Variants in FHIP1A observed in about 807,000 individuals in gnomAD.
The protein encoded by FHIP1A is FHF complex subunit HOOK-interacting protein 1A.
FHIP1A carries 61 observed loss-of-function variants against 88.6 expected under a neutral mutation model. The ratio of observed to expected loss-of-function variants is 0.69; its 90% confidence interval spans 0.56 to 0.85. The LOEUF (loss-of-function observed/expected upper bound fraction) is 0.85, where lower values mean the gene tolerates loss of function less well. Among genes scored for constraint, FHIP1A ranks in the 40% least tolerant of loss-of-function variants. The probability of loss-of-function intolerance (pLI) is 0.00; values close to 1 mark genes in which losing one functional copy is unlikely to be tolerated. For missense variants in FHIP1A, 1,154 were observed against 1,273.5 expected (o/e 0.91, Z 1.43); for synonymous variants, 478 against 496.0 (o/e 0.96, Z 0.48).
chr4:151,480,949 C>G (rs2126633272), intron 2 of FHIP1A, among the ~76,000 whole-genome samples: 2 of 152,062 alleles, frequency 1.3e-5, no homozygotes, highest in Middle Eastern at 6.8e-3. Context: ...GTAGAGACTT[C>G]TAGGGCCATC....
At chr4:151,430,258 T>C (rs1311281223) in intron 1 of FHIP1A, among the ~76,000 whole-genome samples, 1 of 152,224 alleles carries the variant, frequency 6.6e-6, no homozygotes, top group Non-Finnish European at 1.5e-5. Context: ...GAAATAAATC[T>C]TGCAGAATTT....
chr4:151,596,784 C>G (rs1262603331), intron 7 of FHIP1A, among the ~76,000 whole-genome samples: 2 of 152,102 alleles, frequency 1.3e-5, no homozygotes, highest in Admixed American at 6.5e-5. Context: ...GATCTTCAAT[C>G]TCTGATATCC....
chr4:151,411,343 A>ATTTTTTTTTTTTTTTTT (rs370374898), intron 1 of FHIP1A, among the ~76,000 whole-genome samples: 1 of 112,172 alleles, frequency 8.9e-6, no homozygotes, highest in African/African-American at 3.7e-5. Context: ...GTGAAATTAT[A>ATTTTTTTTTTTTTTTTT]TATATATTTT....
intron 3 of FHIP1A, among the ~76,000 whole-genome samples, chr4:151,519,645 A>C (rs1028347418): frequency 2.0e-5 from 3 of 152,052 alleles, no homozygotes; most frequent in Non-Finnish European, 4.4e-5. Flanking sequence ...TTATATTTCT[A>C]TATCTGTTTC....
chr4:151,647,353 C>A (rs932685985), intron 10 of FHIP1A, among the ~76,000 whole-genome samples: 2 of 152,176 alleles, frequency 1.3e-5, no homozygotes, highest in African/African-American at 4.8e-5. Context: ...GCAGCTAGAG[C>A]AAGGGAGCAT....
intron 7 of FHIP1A, among the ~76,000 whole-genome samples, chr4:151,596,013 G>A (rs1734632791): frequency 6.6e-6 from 1 of 152,134 alleles, no homozygotes; most frequent in Admixed American, 6.5e-5. Flanking sequence ...GGAGCATTTA[G>A]CCCATTTACA....
At chr4:151,601,051 G>A (rs1218308969) in intron 7 of FHIP1A, among the ~76,000 whole-genome samples, 1 of 152,152 alleles carries the variant, frequency 6.6e-6, no homozygotes, top group East Asian at 1.9e-4. Flanking sequence ...CCACCCCTAA[G>A]TCTGAATGTG....
At chr4:151,517,196 GC>G (rs1399885418) in intron 3 of FHIP1A, among the ~76,000 whole-genome samples, 3 of 151,544 alleles carry the variant, frequency 2.0e-5, no homozygotes, top group African/African-American at 7.3e-5. Flanking sequence ...GTAAACTATC[GC>G]AAGAACAAAA....
intron 1 of FHIP1A, among the ~76,000 whole-genome samples, chr4:151,412,628 C>G: frequency 7.7e-6 from 1 of 129,808 alleles, no homozygotes. Flanking sequence ...CCCTCCCTCC[C>G]TCCCTCCCTC....
intron 3 of FHIP1A, among the ~76,000 whole-genome samples, chr4:151,521,937 T>C (rs1731461362): frequency 6.6e-6 from 1 of 152,042 alleles, no homozygotes; most frequent in African/African-American, 2.4e-5. Flanking sequence ...TGTTGCCCAG[T>C]CTGGTCTCAA....
chr4:151,530,670 C>G (rs1731839262), intron 3 of FHIP1A, among the ~76,000 whole-genome samples: 2 of 152,152 alleles, frequency 1.3e-5, no homozygotes, highest in South Asian at 4.1e-4. Flanking sequence ...CCTTCTCTTT[C>G]CTGCCTCCTC....
intron 1 of FHIP1A, among the ~76,000 whole-genome samples, chr4:151,434,738 A>G (rs1239548904): frequency 6.6e-6 from 1 of 152,224 alleles, no homozygotes; most frequent in Non-Finnish European, 1.5e-5. Context: ...TAATGATTTT[A>G]GTTCCAATCA....
intron 1 of FHIP1A, among the ~76,000 whole-genome samples, chr4:151,448,282 G>A (rs1339841710): frequency 6.6e-6 from 1 of 152,076 alleles, no homozygotes; most frequent in Non-Finnish European, 1.5e-5. Flanking sequence ...ATGTTTTTCT[G>A]TTATGGCAGC....
At chr4:151,622,401 A>AT (rs1735781584) in intron 7 of FHIP1A, among the ~76,000 whole-genome samples, 2 of 152,146 alleles carry the variant, frequency 1.3e-5, no homozygotes, top group Admixed American at 1.3e-4. Flanking sequence ...AAGCCGTGTA[A>AT]TCTCTGTTTG....
intron 7 of FHIP1A, among the ~76,000 whole-genome samples, chr4:151,598,054 G>C (rs1051283477): frequency 6.6e-6 from 1 of 152,016 alleles, no homozygotes; most frequent in African/African-American, 2.4e-5. Flanking sequence ...TGTCTCACTG[G>C]CCTTCCAGGC....
chr4:151,482,193 A>G (rs1255163829), intron 2 of FHIP1A, among the ~76,000 whole-genome samples: 1 of 152,120 alleles, frequency 6.6e-6, no homozygotes, highest in Non-Finnish European at 1.5e-5. Context: ...TTAATATGAT[A>G]CTGTTGACCC....
At position 151,492,992 on chromosome 4, in the gene FHIP1A, A is replaced by G. The variant is rs577543357; in HGVS notation, c.-123+10344A>G. On this transcript the variant is annotated intron_variant, in intron 3 of 13. Coordinates refer to ENST00000435205, the MANE Select transcript of FHIP1A (RefSeq NM_001109977.3). Reference sequence around the variant, plus strand: ...AAGAAATAACAAAAATTGGAGCAGAACTAAATAAAACTGAAACAAACACAA... The same window carrying G: ...AAGAAATAACAAAAATTGGAGCAGAGCTAAATAAAACTGAAACAAACACAA... Among the ~76,000 whole-genome samples, 9 of 152,334 alleles carry G rather than the reference A, an allele frequency of 5.9e-5. No individual in the cohort carries two copies. In the South Asian group the frequency reaches 1.9e-3, roughly 32 times the overall value.
At chr4:151,458,315 C>T (rs1729035260) in intron 2 of FHIP1A, among the ~76,000 whole-genome samples, 1 of 152,058 alleles carries the variant, frequency 6.6e-6, no homozygotes, top group Non-Finnish European at 1.5e-5. Flanking sequence ...AGTTTTGTGG[C>T]CTTGGGGGAA....
intron 3 of FHIP1A, among the ~76,000 whole-genome samples, chr4:151,520,618 A>G (rs1022665161): frequency 3.3e-5 from 5 of 152,232 alleles, no homozygotes; most frequent in Non-Finnish European, 7.3e-5. Flanking sequence ...ACAAAATTCA[A>G]GACAAATATG....
Sources: allele counts gnomAD v4.1 joint callset (sites outside exome capture counted in the v4.1 genomes callset), GRCh38; gene constraint gnomAD v4.1.1; transcripts MANE v1.5; gene names NCBI Gene and HGNC (gene_info 2026-07-23, HGNC 2026-07-21).